Variants in GOLGA8S observed in about 807,000 individuals in gnomAD.
GOLGA8S encodes the protein golgin subfamily A member 8S.
GOLGA8S carries 23 observed loss-of-function variants against 58.9 expected under a neutral mutation model. The ratio of observed to expected loss-of-function variants is 0.39; its 90% CI spans 0.28 to 0.55. The LOEUF (loss-of-function observed/expected upper bound fraction) is 0.55. Ranked by LOEUF, GOLGA8S falls within the 20% of genes least tolerant of loss-of-function variation. GOLGA8S has a pLI of 0.63. For synonymous variants in GOLGA8S, 84 were observed against 195.7 expected (o/e 0.43, Z 4.76); for missense variants, 266 against 514.2 (o/e 0.52, Z 4.67).
intron 11 of GOLGA8S, 111 bp from the exon 12 acceptor site, chr15:23,361,110 G>T: frequency 3.0e-6 from 3 of 1,005,220 alleles, no homozygotes; most frequent in Non-Finnish European, 4.4e-6. Context: ...GAGCCGGAGA[G>T]GAGCTGTGCG....
rs779695352 is a variant in GOLGA8S, at chr15:23,360,714, T to C, written c.787-14T>C. On this transcript the variant is annotated splice_polypyrimidine_tract_variant and intron_variant, in intron 10 of 18. Transcript: ENST00000562295. ...CCCTCTCTCCAGGGCCCTTTCCCCCTGTGCTTTGGGCAGGTTTGCTCGTTG... is the reference window on the plus strand; with the variant it reads ...CCCTCTCTCCAGGGCCCTTTCCCCCCGTGCTTTGGGCAGGTTTGCTCGTTG... The C allele has an allele frequency of 8.4e-6, 9 of 1,076,540 alleles. 1 individual carries two copies. The Admixed American group carries it at 1.5e-4, about 18-fold the overall frequency. The allele number at this position is 1,076,540 out of a possible 1,614,324, so 66.7% of individuals were successfully genotyped here. A position where few individuals can be genotyped will look rare whatever the true frequency, so the allele number is the denominator to read the frequency against.
chr15:23,365,397 G>A (rs537062952), downstream of GOLGA8S: 15 of 591,002 alleles, frequency 2.5e-5, no homozygotes, highest in Non-Finnish European at 3.8e-5. Context: ...CATGCATATC[G>A]AGTTTGCCCT....
chr15:23,356,388 G>GTTA (rs2069689144), intron 1 of GOLGA8S, among the ~76,000 whole-genome samples: 1 of 128,830 alleles, frequency 7.8e-6, no homozygotes, highest in African/African-American at 2.6e-5. Context: ...AAGTTCATCT[G>GTTA]TCGCCTTTTT....
At chr15:23,365,371 A>G (rs553114069), downstream of GOLGA8S, 2,071 of 617,180 alleles carry the variant, frequency 3.4e-3, 24 homozygotes, top group Non-Finnish European at 5.0e-3. Flanking sequence ...TTAATTTCAT[A>G]ATTGTAGGTC....
chr15:23,359,322 A>G (rs1195350707), intron 8 of GOLGA8S, 113 bp downstream of exon 8: 1 of 659,656 alleles, frequency 1.5e-6, no homozygotes, highest in Non-Finnish European at 2.8e-6. Flanking sequence ...CAGCATGGCC[A>G]TTTCTCACTG....
At chr15:23,364,299 G>A (rs1158710094) in intron 15 of GOLGA8S, 44 bp from the exon 16 acceptor site, 2 of 1,595,330 alleles carry the variant, frequency 1.3e-6, no homozygotes, top group Non-Finnish European at 1.7e-6. Context: ...TGCCACCTGA[G>A]GGCAGGTCGC....
chr15:23,365,234 A>G, downstream of GOLGA8S: 1 of 1,180,410 alleles, frequency 8.5e-7, no homozygotes, highest in Non-Finnish European at 1.2e-6. Flanking sequence ...TTTGAATGTT[A>G]GAGTCACTCA....
At chr15:23,365,411 G>A (rs1360416897), downstream of GOLGA8S, 15 of 571,150 alleles carry the variant, frequency 2.6e-5, 1 homozygote, top group South Asian at 6.4e-5. Context: ...TTGCCCTTAC[G>A]TGGTGGGGGT....
At chr15:23,364,387 G>C in exon 16 of GOLGA8S, 4 of 1,603,738 alleles carry the variant, frequency 2.5e-6, no homozygotes, top group East Asian at 2.2e-5. Flanking sequence ...ACCTGAGTGA[G>C]CTGGTGAAGA....
At position 23,354,989 on chromosome 15, in the gene GOLGA8S, C is replaced by T. The variant is rs1406021326; in HGVS notation, c.48+96C>T. On this transcript the variant is annotated intron_variant, in intron 1 of 18. Transcript: ENST00000562295. ...AGTCCATACCACTCCCGAGGTTCAC[C>T]GGACTGGGGCCCCCACACCAGTGCC... 2.9e-5 allele frequency: 12 copies of T among 413,648 alleles called. 1 individual carries two copies. The highest frequency in any genetic ancestry group is 1.2e-4 in the African/African-American group (4 of 33,076). The allele number at this position is 413,648 out of a possible 1,614,324, so 25.6% of individuals were successfully genotyped here. A position where few individuals can be genotyped will look rare whatever the true frequency, so the allele number is the denominator to read the frequency against.
exon 1 of GOLGA8S, chr15:23,354,875 G>C (rs891511349): frequency 1.0e-5 from 3 of 286,804 alleles, no homozygotes; most frequent in Non-Finnish European, 1.3e-5. Context: ...AAAGTAAATT[G>C]GCAGCAGCCA....
intron 4 of GOLGA8S, among the ~76,000 whole-genome samples, chr15:23,358,037 T>C (rs1280232120): frequency 6.6e-6 from 1 of 150,890 alleles, no homozygotes. Context: ...GAGTCTGAGA[T>C]TTAAAGGCCT....
chr15:23,366,476 T>TTGAAAATC (rs2069924010), downstream of GOLGA8S: 1 of 151,984 alleles, frequency 6.6e-6, no homozygotes, highest in African/African-American at 2.4e-5. Context: ...TATACTATCT[T>TTGAAAATC]TGAAAATCAA....
intron 4 of GOLGA8S, among the ~76,000 whole-genome samples, chr15:23,358,214 T>A (rs1234797050): frequency 2.6e-5 from 4 of 152,296 alleles, no homozygotes; most frequent in Non-Finnish European, 4.4e-5. Flanking sequence ...TCAAACTCCA[T>A]CTCTAGAGGT....
chr15:23,364,381 G>C, exon 16 of GOLGA8S: 3 of 1,603,414 alleles, frequency 1.9e-6, no homozygotes, highest in Non-Finnish European at 2.5e-6. Flanking sequence ...AGGCAGACCT[G>C]AGTGAGCTGG....
At chr15:23,365,995 T>C (rs1027263363), downstream of GOLGA8S, 3 of 150,944 alleles carry the variant, frequency 2.0e-5, no homozygotes, top group African/African-American at 7.3e-5. Flanking sequence ...TGACTGTGGA[T>C]GTGGAAAACC....
Sources: allele counts gnomAD v4.1 joint callset (sites outside exome capture counted in the v4.1 genomes callset), GRCh38; gene constraint gnomAD v4.1.1; transcripts MANE v1.5; gene names NCBI Gene and HGNC (gene_info 2026-07-23, HGNC 2026-07-21).